CRYBG1: variants seen among roughly 807,000 people sequenced by gnomAD.
CRYBG1 encodes beta/gamma crystallin domain-containing protein 1.
In CRYBG1, 139 loss-of-function variants were observed where a neutral mutation model predicts 189.2. The ratio of observed to expected loss-of-function variants is 0.73; its 90% CI spans 0.64 to 0.85. The LOEUF (loss-of-function observed/expected upper bound fraction) is 0.85, where lower values mean the gene tolerates loss of function less well. CRYBG1 is among the 40% of genes least tolerant of loss of function. The pLI is 0.00. For missense variants in CRYBG1, 2,611 were observed against 2,675.8 expected (o/e 0.98, Z 0.53); for synonymous variants, 1,023 against 1,017.1 (o/e 1.01, Z -0.11).
chr6:106,388,478 TTTA>T (rs1770434672), intron 1 of CRYBG1, among the ~76,000 whole-genome samples: 1 of 152,206 alleles, frequency 6.6e-6, no homozygotes, highest in African/African-American at 2.4e-5. Context: ...CCCTTCTAAC[TTTA>T]TTATTAGCAA....
rs1437183641 is a variant in CRYBG1 at position 106,569,190 on chromosome 6, T to A, written c.*624T>A. 6.6e-6 allele frequency: 1 copy of A among 152,226 alleles called. No individual in the cohort carries two copies. Among genetic ancestry groups the A allele is most frequent in the African/African-American group, 2.4e-5 (1 of 41,452 alleles). 9.4% of individuals were successfully genotyped at this position (152,226 alleles called of 1,614,324 possible). ...GTTCATATTAAAAATTAATACATTT[T>A]AAAAATTTAATGTCAAAGTCTGGTA... On this transcript the variant is annotated 3_prime_UTR_variant, in exon 22 of 22. Transcript: ENST00000633556.
intron 2 of CRYBG1, among the ~76,000 whole-genome samples, chr6:106,492,694 A>G (rs1019720717): frequency 2.6e-5 from 4 of 152,208 alleles, no homozygotes; most frequent in Non-Finnish European, 5.9e-5. Context: ...GGCACTTATC[A>G]TATACATACC....
intron 1 of CRYBG1, among the ~76,000 whole-genome samples, chr6:106,386,251 C>T (rs1770387792): frequency 6.6e-6 from 1 of 152,136 alleles, no homozygotes; most frequent in South Asian, 2.1e-4. Flanking sequence ...CTGGGTCTTT[C>T]CCCGTTTTTC....
At position 106,519,833 on chromosome 6, in the gene CRYBG1, A is replaced by G; in HGVS notation, c.2625A>G (p.Ser875=). The G allele has an allele frequency of 6.2e-7, 1 of 1,614,082 alleles. No individual in the cohort carries two copies. The highest frequency in any genetic ancestry group is 8.5e-7 in the Non-Finnish European group (1 of 1,180,010). The change falls in exon 4 of 22, where the codon TCA becomes TCG. Residue 875 remains serine, a synonymous_variant. Transcript: ENST00000633556. The part of the protein sequence containing the change: ...PAESSPGPSL[S]LSAPAPGDVP... ...AGTCATCTCCTGGGCCTTCTCTTTCACTGTCTGCACCCGCTCCTGGGGATG... is the reference window on the plus strand; with the variant it reads ...AGTCATCTCCTGGGCCTTCTCTTTCGCTGTCTGCACCCGCTCCTGGGGATG...
At chr6:106,548,400 T>C (rs1306400401) in intron 13 of CRYBG1, among the ~76,000 whole-genome samples, 1 of 152,218 alleles carries the variant, frequency 6.6e-6, no homozygotes, top group East Asian at 1.9e-4. Context: ...TCAGCTTCAG[T>C]GAATTAGAGA....
chr6:106,459,014 A>G (rs1327719176), intron 2 of CRYBG1, among the ~76,000 whole-genome samples: 1 of 152,256 alleles, frequency 6.6e-6, no homozygotes, highest in Non-Finnish European at 1.5e-5. Context: ...CTCATGGCAC[A>G]CTATATCTCA....
intron 4 of CRYBG1, among the ~76,000 whole-genome samples, chr6:106,523,952 G>A (rs1192885632): frequency 1.3e-5 from 2 of 151,956 alleles, no homozygotes; most frequent in African/African-American, 2.4e-5. Context: ...GGCTGGTCTC[G>A]AACTCCTGAC....
intron 1 of CRYBG1, among the ~76,000 whole-genome samples, chr6:106,382,978 G>A (rs1770314996): frequency 6.6e-6 from 1 of 152,090 alleles, no homozygotes; most frequent in South Asian, 2.1e-4. Flanking sequence ...ATCTAAGTAG[G>A]GCTAATGGGA....
chr6:106,437,359 C>G (rs1310375337), intron 1 of CRYBG1, among the ~76,000 whole-genome samples: 1 of 152,000 alleles, frequency 6.6e-6, no homozygotes, highest in Admixed American at 6.5e-5. Flanking sequence ...TTGTTATTGC[C>G]TTTAATTTTT....
intron 10 of CRYBG1, among the ~76,000 whole-genome samples, chr6:106,543,172 G>A (rs1278725876): frequency 6.6e-6 from 1 of 151,786 alleles, no homozygotes; most frequent in Non-Finnish European, 1.5e-5. Flanking sequence ...TGAGATTACA[G>A]GTGTGCATCA....
intron 2 of CRYBG1, among the ~76,000 whole-genome samples, chr6:106,464,105 C>T (rs2114456991): frequency 6.6e-6 from 1 of 152,300 alleles, no homozygotes; most frequent in African/African-American, 2.4e-5. Flanking sequence ...ACAAACACAA[C>T]CAGCAAGAGC....
In CRYBG1 at chr6:106,509,492, G is replaced by T. The variant is rs1232488655; in HGVS notation, c.313-1938G>T. 2.6e-5 allele frequency among the ~76,000 whole-genome samples: 4 copies of T among 152,122 alleles called. No homozygotes were observed. The East Asian group carries it at 7.7e-4, about 29-fold the overall frequency. On this transcript the variant is annotated intron_variant, in intron 2 of 21. Transcript: ENST00000633556. ...TAGATTTTAAAATCGTATGACGTCG[G>T]GTACAAGAGCTCCGAGCGGCTGCAC... is the stretch of plus-strand genomic sequence containing the variant.
chr6:106,379,160 A>G (rs1770237828), intron 1 of CRYBG1, among the ~76,000 whole-genome samples: 1 of 152,228 alleles, frequency 6.6e-6, no homozygotes, highest in South Asian at 2.1e-4. Flanking sequence ...AAAAATAAAT[A>G]AATAAGTACA....
intron 1 of CRYBG1, among the ~76,000 whole-genome samples, chr6:106,374,278 G>C (rs1193703887): frequency 6.6e-6 from 1 of 152,174 alleles, no homozygotes; most frequent in African/African-American, 2.4e-5. Flanking sequence ...AGACAGCCTG[G>C]CACGGTGGCT....
rs777409974 is a variant in CRYBG1 at position 106,558,556 on chromosome 6, C to G, written c.5786C>G (p.Ala1929Gly). ...DFKGKKIELN[A>G]ETVNLRSLGF... ...AAAGGAAAAAAGATTGAACTTAATG[C>G]AGAAACTGTCAATCTCCGATCCCTG... Residue 1929 changes from alanine to glycine, a missense_variant, in exon 18 of 22, where the codon GCA becomes GGA. By Grantham distance (60) the Ala-to-Gly change is moderately conservative (BLOSUM62 0). This residue lies in a region of CRYBG1 where 1,622 missense variants were observed against 1,735.0 expected (regional missense o/e 0.93). Coordinates refer to ENST00000633556, the MANE Select transcript of CRYBG1 (RefSeq NM_001371242.2). 10 of 1,612,328 alleles carry G rather than the reference C, an allele frequency of 6.2e-6. No homozygotes were observed. In the South Asian group the frequency reaches 1.1e-4, roughly 18 times the overall value.
chr6:106,515,045 G>A (rs1204921658), intron 3 of CRYBG1, among the ~76,000 whole-genome samples: 1 of 152,204 alleles, frequency 6.6e-6, no homozygotes, highest in African/African-American at 2.4e-5. Flanking sequence ...ATTTGAGACT[G>A]AAGAGTAAGA....
chr6:106,493,356 G>C (rs1772767026), intron 2 of CRYBG1, among the ~76,000 whole-genome samples: 1 of 152,148 alleles, frequency 6.6e-6, no homozygotes, highest in South Asian at 2.1e-4. Context: ...AGTTGGTGAA[G>C]ATGTTGGGAA....
At chr6:106,564,392 G>A (rs1774815247) in intron 21 of CRYBG1, among the ~76,000 whole-genome samples, 2 of 152,210 alleles carry the variant, frequency 1.3e-5, no homozygotes, top group Admixed American at 6.5e-5. Flanking sequence ...ACCTTTCATT[G>A]AAAAGATCTA....
rs1412608960 is a variant in CRYBG1, at chr6:106,530,263, C to T, written c.4666C>T (p.Gln1556Ter). The change falls in exon 8 of 22, where the codon CAG (glutamine) becomes TAG (stop). Residue 1556 changes from glutamine (Q) to a stop codon, truncating the protein, a stop_gained. Transcript: ENST00000633556. LOFTEE classifies it high-confidence loss of function. Reference protein sequence around the residue: ...SSYFDDTEEMQGFGVMQKTCS... With the variant: ...SSYFDDTEEM ...CTACTTTGATGATACTGAAGAAATG[C>T]AGGGATTTGGTGTAATGCAGAAGAC... 6.2e-7 allele frequency: 1 copy of T among 1,613,534 alleles called. No homozygotes were observed. Among genetic ancestry groups the T allele is most frequent in the Non-Finnish European group, 8.5e-7 (1 of 1,179,728 alleles).
Sources: gnomAD v4.1 joint callset for allele counts (sites outside exome capture counted in the v4.1 genomes callset) on GRCh38, gnomAD v4.1.1 for gene constraint, gnomAD v4.1.1 regional missense constraint, MANE v1.5 for transcripts, NCBI Gene and HGNC (gene_info 2026-07-23, HGNC 2026-07-21) for gene names.